Variants in AFG1L observed in about 807,000 individuals in gnomAD.
AFG1L encodes the protein AFG1-like ATPase.
In AFG1L, 53 loss-of-function variants were observed where a neutral mutation model predicts 62.2. The ratio of observed to expected loss-of-function variants is 0.85; its 90% CI spans 0.68 to 1.07. AFG1L has a LOEUF of 1.07. Among genes scored for constraint, AFG1L ranks in the 50% least tolerant of loss-of-function variants. AFG1L has a pLI of 0.00. For missense variants in AFG1L, 555 were observed against 590.5 expected (o/e 0.94, Z 0.62); for synonymous variants, 228 against 210.3 (o/e 1.08, Z -0.73).
At chr6:108,305,223 G>A (rs1262399278) in intron 1 of AFG1L, among the ~76,000 whole-genome samples, 1 of 152,146 alleles carries the variant, frequency 6.6e-6, no homozygotes, top group Non-Finnish European at 1.5e-5. Context: ...CAATGGCCAA[G>A]GGCCTAGTCT....
chr6:108,381,016 G>C (rs560004612), intron 6 of AFG1L, among the ~76,000 whole-genome samples: 4 of 152,316 alleles, frequency 2.6e-5, no homozygotes, highest in African/African-American at 9.6e-5. Flanking sequence ...AAAACTCACA[G>C]AGTTTATCTT....
intron 1 of AFG1L, among the ~76,000 whole-genome samples, chr6:108,301,289 T>G (rs906905929): frequency 6.6e-5 from 10 of 152,188 alleles, no homozygotes; most frequent in Non-Finnish European, 1.5e-4. Context: ...CATAGCCTCC[T>G]GGGAATGCAG....
At chr6:108,336,956 T>C (rs1778497428) in intron 2 of AFG1L, among the ~76,000 whole-genome samples, 1 of 152,180 alleles carries the variant, frequency 6.6e-6, no homozygotes, top group African/African-American at 2.4e-5. Context: ...TAACACTCAT[T>C]TAGTAATGTT....
At chr6:108,298,926 G>GGCA (rs1162753964) in intron 1 of AFG1L, among the ~76,000 whole-genome samples, 8 of 152,204 alleles carry the variant, frequency 5.3e-5, no homozygotes, top group Middle Eastern at 6.8e-3. Flanking sequence ...AGGAGAGCAG[G>GGCA]GCAGCTGAGG....
intron 7 of AFG1L, among the ~76,000 whole-genome samples, chr6:108,431,597 CTTTTTTTTTT>C (rs5878977): frequency 2.0e-5 from 2 of 98,448 alleles, no homozygotes; most frequent in East Asian, 5.5e-4. Flanking sequence ...TTCTTTGTTG[CTTTTTTTTTT>C]TTTTTTTTTT....
intron 4 of AFG1L, 103 bp downstream of exon 4, chr6:108,355,858 T>C: frequency 1.2e-6 from 1 of 803,608 alleles, no homozygotes; most frequent in Non-Finnish European, 2.0e-6. Context: ...AGATTTTTGC[T>C]TGCAGTAAGA....
At chr6:108,378,603 G>A (rs1346199432) in intron 6 of AFG1L, among the ~76,000 whole-genome samples, 1 of 152,152 alleles carries the variant, frequency 6.6e-6, no homozygotes, top group Non-Finnish European at 1.5e-5. Flanking sequence ...ACAGGCATAA[G>A]CCACCACACC....
Position 108,324,000 on chromosome 6 carries a change from C to T in AFG1L, c.315C>T (p.His105=), listed in dbSNP as rs189055222. The change falls in exon 2 of 13, where the codon CAC becomes CAT. Residue 105 remains histidine (H), a synonymous_variant. Coordinates refer to ENST00000368977, the MANE Select transcript of AFG1L (RefSeq NM_145315.5). ...RRVIQCLQKL[H]EDLKGYNIEA... is the part of the protein sequence containing the mutation. ...TCATACAGTGTTTGCAGAAATTACA[C>T]GAGGACCTTAAAGGATACAATATAG... is the stretch of plus-strand genomic sequence containing the variant. The T allele has an allele frequency of 7.4e-6, 12 of 1,614,108 alleles. No homozygotes were observed. The highest frequency in any genetic ancestry group is 2.2e-5 in the East Asian group (1 of 44,884).
At chr6:108,399,447 A>G (rs1273901766) in intron 6 of AFG1L, among the ~76,000 whole-genome samples, 1 of 151,442 alleles carries the variant, frequency 6.6e-6, no homozygotes. Context: ...CGACCTCCCA[A>G]AGTGCTGGGA....
At chr6:108,413,560 A>C (rs1294255966) in intron 7 of AFG1L, among the ~76,000 whole-genome samples, 4 of 152,344 alleles carry the variant, frequency 2.6e-5, no homozygotes, top group African/African-American at 9.6e-5. Flanking sequence ...AAATTACAAC[A>C]AACTGTCTCT....
intron 10 of AFG1L, among the ~76,000 whole-genome samples, chr6:108,480,168 T>C (rs1261639904): frequency 1.3e-5 from 2 of 151,950 alleles, no homozygotes; most frequent in Non-Finnish European, 2.9e-5. Context: ...TGGATTCTCT[T>C]TCTTCGTAAA....
At chr6:108,518,215 G>A (rs535943650) in intron 11 of AFG1L, among the ~76,000 whole-genome samples, 1 of 152,152 alleles carries the variant, frequency 6.6e-6, no homozygotes, top group Non-Finnish European at 1.5e-5. Flanking sequence ...TATGTTTATT[G>A]TGGCACTATT....
chr6:108,356,325 G>GACATA (rs1779285609), intron 4 of AFG1L, among the ~76,000 whole-genome samples: 1 of 152,146 alleles, frequency 6.6e-6, no homozygotes, highest in Non-Finnish European at 1.5e-5. Flanking sequence ...GCATATGCTA[G>GACATA]ACATAACATG....
At chr6:108,418,663 T>G (rs1042712739) in intron 7 of AFG1L, among the ~76,000 whole-genome samples, 4 of 152,178 alleles carry the variant, frequency 2.6e-5, no homozygotes, top group Non-Finnish European at 5.9e-5. Flanking sequence ...TCGGTATCAA[T>G]TTCAGATAAT....
intron 1 of AFG1L, among the ~76,000 whole-genome samples, chr6:108,323,271 T>C (rs1777885997): frequency 6.6e-6 from 1 of 152,224 alleles, no homozygotes; most frequent in African/African-American, 2.4e-5. Flanking sequence ...GTAGTAGGAA[T>C]AGGCCTTCTG....
chr6:108,522,358 C>T lies in AFG1L; in HGVS notation c.1379C>T (p.Thr460Ile). 2 of 1,613,956 alleles carry T rather than the reference C, an allele frequency of 1.2e-6. No individual in the cohort carries two copies. The highest frequency in any genetic ancestry group is 1.7e-6 in the Non-Finnish European group (2 of 1,179,878). The change falls in exon 13 of 13, where the codon ACA (threonine) becomes ATA (isoleucine). Residue 460 changes from threonine (T) to isoleucine (I), a missense_variant. Coordinates refer to ENST00000368977, the MANE Select transcript of AFG1L (RefSeq NM_145315.5). ...GAGGAAATCTTTGCATTTCAGCGCA[C>T]AATTTCCCGACTCACGGAAATGCAG... ...GEEEIFAFQR[T>I]ISRLTEMQTE...
At chr6:108,382,298 C>A (rs1371841908) in intron 6 of AFG1L, among the ~76,000 whole-genome samples, 1 of 152,064 alleles carries the variant, frequency 6.6e-6, no homozygotes, top group Non-Finnish European at 1.5e-5. Flanking sequence ...CCGCGCCTGG[C>A]TATTCACTGT....
chr6:108,409,637 T>C (rs1049979107), intron 7 of AFG1L, among the ~76,000 whole-genome samples: 1 of 152,114 alleles, frequency 6.6e-6, no homozygotes, highest in South Asian at 2.1e-4. Flanking sequence ...AATTATAAGA[T>C]TAGATGATAA....
intron 7 of AFG1L, among the ~76,000 whole-genome samples, chr6:108,415,037 A>C (rs1390640216): frequency 4.6e-5 from 7 of 152,224 alleles, no homozygotes; most frequent in Non-Finnish European, 7.3e-5. Context: ...GTCTCAGCCC[A>C]AAATCTCCTT....
Sources: gnomAD v4.1 joint callset for allele counts (sites outside exome capture counted in the v4.1 genomes callset) on GRCh38, gnomAD v4.1.1 for gene constraint, MANE v1.5 for transcripts, NCBI Gene and HGNC (gene_info 2026-07-23, HGNC 2026-07-21) for gene names.